ROBO2: variants seen among roughly 807,000 people sequenced by gnomAD.
ROBO2 encodes roundabout guidance receptor 2.
A neutral mutation model predicts 160.8 loss-of-function variants in ROBO2; 53 were observed. The observed-to-expected ratio is 0.33, with a 90% CI of 0.26 to 0.41. ROBO2 has a LOEUF of 0.41. ROBO2 is among the 10% of genes least tolerant of loss of function. The pLI, the probability that ROBO2 is intolerant of heterozygous loss-of-function variation, is 1.00. For synonymous variants in ROBO2, 664 were observed against 611.7 expected (o/e 1.09, Z -1.26); for missense variants, 1,577 against 1,722.4 (o/e 0.92, Z 1.49).
intron 2 of ROBO2, among the ~76,000 whole-genome samples, chr3:76,708,227 C>T (rs1201563825): frequency 3.3e-5 from 5 of 152,108 alleles, no homozygotes; most frequent in African/African-American, 1.2e-4. Context: ...AATATTTTCT[C>T]TATACTTCTA....
intron 2 of ROBO2, among the ~76,000 whole-genome samples, chr3:77,395,156 T>G (rs2075144838): frequency 6.6e-6 from 1 of 152,178 alleles, no homozygotes. Flanking sequence ...ATTGCCACAG[T>G]CTAATTTCCT....
At chr3:76,837,485 C>T (rs533055486) in intron 2 of ROBO2, among the ~76,000 whole-genome samples, 2 of 151,134 alleles carry the variant, frequency 1.3e-5, no homozygotes, top group African/African-American at 4.8e-5. Context: ...ATACGGTGTT[C>T]CTATCATTTT....
At chr3:77,147,363 A>G (rs1005981467) in intron 2 of ROBO2, among the ~76,000 whole-genome samples, 3 of 152,174 alleles carry the variant, frequency 2.0e-5, no homozygotes, top group African/African-American at 7.2e-5. Context: ...AAATTTAATG[A>G]CATGATAATT....
chr3:76,300,549 A>G (rs1404103519), intron 2 of ROBO2, among the ~76,000 whole-genome samples: 12 of 151,924 alleles, frequency 7.9e-5, no homozygotes, highest in Non-Finnish European at 1.5e-5. Flanking sequence ...GACTAATGGG[A>G]AGCTATTTTG....
chr3:76,516,334 AT>A (rs2081346128), intron 2 of ROBO2, among the ~76,000 whole-genome samples: 1 of 152,164 alleles, frequency 6.6e-6, no homozygotes, highest in African/African-American at 2.4e-5. Flanking sequence ...CCAAGAATGA[AT>A]CTACAAAGTG....
chr3:77,579,487 C>T (rs2093857113), intron 15 of ROBO2, among the ~76,000 whole-genome samples: 2 of 152,142 alleles, frequency 1.3e-5, no homozygotes, highest in South Asian at 2.1e-4. Flanking sequence ...AGATGTCTAC[C>T]TATATACCTT....
chr3:76,947,242 C>T (rs1297543199), intron 2 of ROBO2, among the ~76,000 whole-genome samples: 1 of 151,920 alleles, frequency 6.6e-6, no homozygotes, highest in African/African-American at 2.4e-5. Flanking sequence ...TTTAACCCAT[C>T]TATTTAGTAC....
intron 2 of ROBO2, among the ~76,000 whole-genome samples, chr3:75,963,258 G>A (rs974080460): frequency 6.6e-6 from 1 of 151,696 alleles, no homozygotes; most frequent in African/African-American, 2.4e-5. Context: ...TGCAATTATG[G>A]CTCACTGTAG....
chr3:77,614,568 G>A (rs535402971), intron 21 of ROBO2, among the ~76,000 whole-genome samples: 1 of 152,052 alleles, frequency 6.6e-6, no homozygotes, highest in South Asian at 2.1e-4. Flanking sequence ...AACTCACTTA[G>A]GTAGCCTCAG....
intron 21 of ROBO2, among the ~76,000 whole-genome samples, chr3:77,616,421 C>T (rs1005138489): frequency 2.6e-5 from 4 of 151,436 alleles, no homozygotes; most frequent in Non-Finnish European, 5.9e-5. Flanking sequence ...TAGGCTTAAG[C>T]GTGATGTGAA....
At chr3:76,412,419 C>T (rs1408762906) in intron 2 of ROBO2, among the ~76,000 whole-genome samples, 2 of 152,166 alleles carry the variant, frequency 1.3e-5, no homozygotes, top group African/African-American at 4.8e-5. Context: ...CTCATTTTAG[C>T]ATTAACCCAA....
chr3:76,780,703 G>A (rs1194154837), intron 2 of ROBO2, among the ~76,000 whole-genome samples: 1 of 150,580 alleles, frequency 6.6e-6, no homozygotes, highest in African/African-American at 2.4e-5. Flanking sequence ...TTTCCCCACT[G>A]TGTATTCTTG....
chr3:76,750,549 C>G (rs1263314459), intron 2 of ROBO2, among the ~76,000 whole-genome samples: 1 of 152,144 alleles, frequency 6.6e-6, no homozygotes, highest in African/African-American at 2.4e-5. Flanking sequence ...TAGAAAACCC[C>G]ATCATCTCAG....
intron 2 of ROBO2, among the ~76,000 whole-genome samples, chr3:77,256,494 AAC>A (rs2058423582): frequency 6.6e-6 from 1 of 152,036 alleles, no homozygotes; most frequent in African/African-American, 2.4e-5. Context: ...CATTCTCAAT[AAC>A]TGTGTGTGTG....
chr3:76,323,101 A>T (rs1161394447), intron 2 of ROBO2, among the ~76,000 whole-genome samples: 3 of 150,666 alleles, frequency 2.0e-5, no homozygotes, highest in Non-Finnish European at 4.4e-5. Flanking sequence ...TTTCTTCAGG[A>T]AAAACTATAC....
chr3:75,915,209 A>G (rs969138938), intron 1 of ROBO2, among the ~76,000 whole-genome samples: 11 of 152,224 alleles, frequency 7.2e-5, no homozygotes, highest in African/African-American at 2.7e-4. Context: ...TGTAAAGCTT[A>G]TAGAAGATAG....
At chr3:77,366,874 T>C (rs1248363656) in intron 2 of ROBO2, among the ~76,000 whole-genome samples, 1 of 146,902 alleles carries the variant, frequency 6.8e-6, no homozygotes, top group Non-Finnish European at 1.5e-5. Context: ...CAGGAATTAA[T>C]AGTGAGAACT....
intron 2 of ROBO2, among the ~76,000 whole-genome samples, chr3:76,631,881 A>G (rs1477321217): frequency 6.6e-6 from 1 of 152,222 alleles, no homozygotes; most frequent in Admixed American, 6.5e-5. Context: ...CCAGCCAGCC[A>G]GGAAAGAAAG....
intron 2 of ROBO2, among the ~76,000 whole-genome samples, chr3:76,542,571 A>G (rs2082877645): frequency 6.6e-6 from 1 of 152,286 alleles, no homozygotes; most frequent in Non-Finnish European, 1.5e-5. Flanking sequence ...AGGAACAGTA[A>G]CCTAAGGCTG....
Sources: gnomAD v4.1 joint callset for allele counts (sites outside exome capture counted in the v4.1 genomes callset) on GRCh38, gnomAD v4.1.1 for gene constraint, MANE v1.5 for transcripts, NCBI Gene and HGNC (gene_info 2026-07-23, HGNC 2026-07-21) for gene names.